Variants in PPP2R5A observed in about 807,000 individuals in gnomAD.
PPP2R5A encodes serine/threonine-protein phosphatase 2A 56 kDa regulatory subunit alpha isoform.
A neutral mutation model predicts 64.2 loss-of-function variants in PPP2R5A; 25 were observed. That is an observed-to-expected ratio of 0.39 (90% CI 0.28 to 0.54). The LOEUF is 0.54. Among genes scored for constraint, PPP2R5A ranks in the 20% least tolerant of loss-of-function variants. The pLI, the probability that PPP2R5A is intolerant of heterozygous loss-of-function variation, is 0.67. For synonymous variants in PPP2R5A, 198 were observed against 201.2 expected (o/e 0.98, Z 0.13); for missense variants, 425 against 576.3 (o/e 0.74, Z 2.69).
At chr1:212,343,715 C>T (rs1341337647) in intron 4 of PPP2R5A, among the ~76,000 whole-genome samples, 1 of 152,096 alleles carries the variant, frequency 6.6e-6, no homozygotes, top group Non-Finnish European at 1.5e-5. Flanking sequence ...CAAATGAATG[C>T]CTGTTTATTT....
intron 1 of PPP2R5A, chr1:212,309,034 C>G: frequency 3.9e-6 from 3 of 759,888 alleles, no homozygotes; most frequent in Non-Finnish European, 7.2e-6. Context: ...TATATTTAGC[C>G]AGCTAGACTC....
At chr1:212,312,193 G>A (rs1659051500) in intron 1 of PPP2R5A, among the ~76,000 whole-genome samples, 1 of 152,130 alleles carries the variant, frequency 6.6e-6, no homozygotes, top group Admixed American at 6.5e-5. Context: ...TGACAGTTTT[G>A]TAGCCTAGGA....
At chr1:212,291,117 T>A (rs1490956865) in intron 1 of PPP2R5A, among the ~76,000 whole-genome samples, 2 of 152,086 alleles carry the variant, frequency 1.3e-5, no homozygotes, top group Admixed American at 1.3e-4. Context: ...TTATTTTATT[T>A]TATTTTTTTT....
chr1:212,291,632 T>C (rs991626610), intron 1 of PPP2R5A, among the ~76,000 whole-genome samples: 3 of 152,240 alleles, frequency 2.0e-5, no homozygotes, highest in Non-Finnish European at 4.4e-5. Flanking sequence ...ACCCAGCCTA[T>C]TAACATTTCC....
chr1:212,354,212 G>C (rs1261984503), intron 8 of PPP2R5A, among the ~76,000 whole-genome samples: 1 of 151,906 alleles, frequency 6.6e-6, no homozygotes, highest in Non-Finnish European at 1.5e-5. Context: ...AAAAATAACA[G>C]GCTACATATA....
At chr1:212,290,281 A>G (rs1415711308) in intron 1 of PPP2R5A, among the ~76,000 whole-genome samples, 1 of 152,236 alleles carries the variant, frequency 6.6e-6, no homozygotes, top group Non-Finnish European at 1.5e-5. Context: ...CACTGACATT[A>G]TCTTAAGTTC....
intron 1 of PPP2R5A, chr1:212,319,681 C>CG (rs1379041870): frequency 7.3e-6 from 1 of 137,674 alleles, no homozygotes; most frequent in Non-Finnish European, 1.5e-5. Context: ...AGTGCAATGG[C>CG]GCGATCTCGG....
intron 7 of PPP2R5A, 56 bp from the exon 8 acceptor site, chr1:212,349,133 C>G (rs1406587087): frequency 1.6e-6 from 2 of 1,214,540 alleles, no homozygotes; most frequent in East Asian, 5.4e-5. Flanking sequence ...ATATAAAAAT[C>G]CTACATTATT....
rs1487056723 is a variant in PPP2R5A, at chr1:212,321,776, C to T, written c.182-7359C>T. Among the ~76,000 whole-genome samples the T allele has an allele frequency of 2.8e-4, 43 of 151,792 alleles. 1 individual carries two copies. Among genetic ancestry groups the T allele is most frequent in the Admixed American group, 2.6e-3 (40 of 15,260 alleles). ...CCAGGCAGAGACGCTCCTCACTTCC[C>T]AGACGGGGTGGCCGCCGGGCAGAGG... On this transcript the variant is annotated intron_variant, in intron 1 of 12. Transcript: ENST00000261461.
intron 2 of PPP2R5A, among the ~76,000 whole-genome samples, chr1:212,332,892 T>C (rs916077600): frequency 2.7e-4 from 41 of 151,890 alleles, no homozygotes; most frequent in Admixed American, 1.1e-3. Context: ...CTTTCTTTTT[T>C]ATTTTTTTAT....
rs374099481 is a variant in PPP2R5A at position 212,311,682 on chromosome 1, A to G, written c.182-17453A>G. On this transcript the variant is annotated intron_variant, in intron 1 of 12. Coordinates refer to ENST00000261461, the MANE Select transcript of PPP2R5A (RefSeq NM_006243.4). ...AGATGTGGAGATGAGACAGTGACGT[A>G]GATGATCCTGACCCTGGGTAGGCCT... Among the ~76,000 whole-genome samples, 10 of 152,274 alleles carry G rather than the reference A, an allele frequency of 6.6e-5. 1 individual carries two copies. The highest frequency in any genetic ancestry group is 2.2e-4 in the African/African-American group (9 of 41,590).
intron 1 of PPP2R5A, among the ~76,000 whole-genome samples, chr1:212,292,909 A>G (rs1008878744): frequency 7.2e-5 from 11 of 152,182 alleles, no homozygotes; most frequent in African/African-American, 2.7e-4. Flanking sequence ...GTTCAGGATT[A>G]TTTAAAACAG....
chr1:212,290,695 A>C (rs1292937551), intron 1 of PPP2R5A, among the ~76,000 whole-genome samples: 1 of 152,174 alleles, frequency 6.6e-6, no homozygotes, highest in Non-Finnish European at 1.5e-5. Flanking sequence ...CTGATTGTTA[A>C]TTGTGGATTA....
chr1:212,356,615 C>G lies in PPP2R5A; in HGVS notation c.928-11C>G. ...TTATTAAATTCATGCTAAACTTTTT[C>G]TTTTTCGCAGGTGATCAGAGGACTG... On this transcript the variant is annotated splice_polypyrimidine_tract_variant and intron_variant, in intron 8 of 12. Coordinates refer to ENST00000261461, the MANE Select transcript of PPP2R5A (RefSeq NM_006243.4). The G allele has an allele frequency of 6.2e-7, 1 of 1,605,820 alleles. No individual in the cohort carries two copies. The highest frequency in any genetic ancestry group is 8.5e-7 in the Non-Finnish European group (1 of 1,177,236).
chr1:212,344,936 G>A (rs1314989976), intron 4 of PPP2R5A, among the ~76,000 whole-genome samples: 1 of 152,046 alleles, frequency 6.6e-6, no homozygotes, highest in Non-Finnish European at 1.5e-5. Flanking sequence ...CACCGAGGAG[G>A]GTGGATCGCT....
intron 1 of PPP2R5A, among the ~76,000 whole-genome samples, chr1:212,287,401 TC>T (rs1438129589): frequency 1.3e-5 from 2 of 152,212 alleles, no homozygotes; most frequent in African/African-American, 4.8e-5. Flanking sequence ...CCAGTCTGGT[TC>T]TCATTTGTCT....
intron 1 of PPP2R5A, chr1:212,297,323 C>G (rs752745344): frequency 1.3e-5 from 2 of 151,612 alleles, no homozygotes; most frequent in Admixed American, 6.6e-5. Flanking sequence ...ACTGTGTTGG[C>G]CAGACTGGTC....
chr1:212,321,220 G>C (rs1659281570), intron 1 of PPP2R5A, among the ~76,000 whole-genome samples: 1 of 146,622 alleles, frequency 6.8e-6, no homozygotes, highest in Admixed American at 6.7e-5. Context: ...TCCCAGACGG[G>C]GCGGCTGGCC....
At chr1:212,325,379 A>T (rs1236798112) in intron 1 of PPP2R5A, among the ~76,000 whole-genome samples, 2 of 152,178 alleles carry the variant, frequency 1.3e-5, no homozygotes, top group Non-Finnish European at 2.9e-5. Context: ...CTAGTGAAGT[A>T]TTTCAGGTAG....
Sources: gnomAD v4.1 joint callset for allele counts (sites outside exome capture counted in the v4.1 genomes callset) on GRCh38, gnomAD v4.1.1 for gene constraint, MANE v1.5 for transcripts, NCBI Gene and HGNC (gene_info 2026-07-23, HGNC 2026-07-21) for gene names.